The following ALK variants were observed in gnomAD, a reference collection of about 807,000 sequenced individuals.
The protein encoded by ALK is ALK tyrosine kinase receptor.
In ALK, 74 loss-of-function variants were observed where a neutral mutation model predicts 163.1. The ratio of observed to expected loss-of-function variants is 0.45; its 90% CI spans 0.38 to 0.55. ALK has a LOEUF of 0.55. Ranked by LOEUF, ALK falls within the 20% of genes least tolerant of loss-of-function variation. The probability of loss-of-function intolerance (pLI) is 0.00; values close to 1 mark genes in which losing one functional copy is unlikely to be tolerated. For missense variants in ALK, 2,063 were observed against 2,105.3 expected (o/e 0.98, Z 0.39); for synonymous variants, 960 against 843.2 (o/e 1.14, Z -2.40).
At chr2:29,204,613 G>A (rs781371921) in intron 26 of ALK, among the ~76,000 whole-genome samples, 31 of 151,878 alleles carry the variant, frequency 2.0e-4, no homozygotes, top group Non-Finnish European at 4.3e-4. Flanking sequence ...ATTTGAGATG[G>A]AGTTTCGCTC....
intron 4 of ALK, among the ~76,000 whole-genome samples, chr2:29,496,454 A>G (rs1672026767): frequency 6.6e-6 from 1 of 152,222 alleles, no homozygotes; most frequent in Admixed American, 6.5e-5. Flanking sequence ...AGGTATTTGC[A>G]TCATCACTGC....
intron 1 of ALK, among the ~76,000 whole-genome samples, chr2:29,868,409 AAAT>A (rs1666496168): frequency 6.6e-6 from 1 of 152,244 alleles, no homozygotes. Context: ...GACAGGCAGT[AAAT>A]AATATCATAA....
chr2:29,888,004 C>A (rs1667028483), intron 1 of ALK, among the ~76,000 whole-genome samples: 2 of 152,152 alleles, frequency 1.3e-5, no homozygotes, highest in African/African-American at 4.8e-5. Context: ...CTCTGGGTAC[C>A]TTTTCTCTAC....
At chr2:29,618,836 G>A (rs1675936087) in intron 3 of ALK, among the ~76,000 whole-genome samples, 1 of 152,062 alleles carries the variant, frequency 6.6e-6, no homozygotes, top group Non-Finnish European at 1.5e-5. Context: ...AAAATTAGCT[G>A]GGGGTGGTGG....
At chr2:29,245,914 G>A (rs775312786) in intron 12 of ALK, among the ~76,000 whole-genome samples, 13 of 152,240 alleles carry the variant, frequency 8.5e-5, no homozygotes, top group South Asian at 2.1e-4. Context: ...GAATGATGGC[G>A]TTGTCCGGCT....
At chr2:29,794,894 T>C (rs1028008837) in intron 1 of ALK, among the ~76,000 whole-genome samples, 1 of 152,128 alleles carries the variant, frequency 6.6e-6, no homozygotes, top group Non-Finnish European at 1.5e-5. Flanking sequence ...AGGAAACACA[T>C]GCTGTTGGAA....
At chr2:29,314,536 G>C (rs915319282) in intron 8 of ALK, among the ~76,000 whole-genome samples, 1 of 152,080 alleles carries the variant, frequency 6.6e-6, no homozygotes, top group Non-Finnish European at 1.5e-5. Context: ...GAGGGGAGAC[G>C]CAACTGCAGC....
chr2:29,842,568 T>C (rs1435741838), intron 1 of ALK, among the ~76,000 whole-genome samples: 1 of 152,114 alleles, frequency 6.6e-6, no homozygotes, highest in East Asian at 1.9e-4. Context: ...CCAGGTTAGT[T>C]ATGGTTAAGG....
chr2:29,217,505 T>C (rs1228214496), intron 23 of ALK, among the ~76,000 whole-genome samples: 1 of 151,650 alleles, frequency 6.6e-6, no homozygotes, highest in Non-Finnish European at 1.5e-5. Context: ...TCTGTACCCA[T>C]GCATTTCGTT....
chr2:29,773,197 A>G (rs1681072543), intron 1 of ALK, among the ~76,000 whole-genome samples: 1 of 151,986 alleles, frequency 6.6e-6, no homozygotes. Context: ...ATTGTACACT[A>G]CACATCTTTT....
intron 3 of ALK, among the ~76,000 whole-genome samples, chr2:29,661,670 G>T (rs1677352689): frequency 6.6e-6 from 1 of 152,302 alleles, no homozygotes; most frequent in African/African-American, 2.4e-5. Flanking sequence ...ACTTTCTGAA[G>T]ATTATACAGT....
At chr2:29,897,004 G>C (rs1400585218) in intron 1 of ALK, among the ~76,000 whole-genome samples, 2 of 152,164 alleles carry the variant, frequency 1.3e-5, no homozygotes, top group African/African-American at 4.8e-5. Flanking sequence ...GATGTAAATA[G>C]AGATCTACAA....
At chr2:29,590,083 A>G (rs1363642889) in intron 3 of ALK, among the ~76,000 whole-genome samples, 1 of 152,214 alleles carries the variant, frequency 6.6e-6, no homozygotes, top group Non-Finnish European at 1.5e-5. Flanking sequence ...TTGTCATCAA[A>G]TGAACTTCTC....
chr2:29,381,421 T>G (rs1057197878), intron 5 of ALK, among the ~76,000 whole-genome samples: 2 of 152,260 alleles, frequency 1.3e-5, no homozygotes, highest in Non-Finnish European at 2.9e-5. Context: ...GGCCTCTGTC[T>G]TGATGACACC....
At chr2:29,863,563 C>G (rs1028761561) in intron 1 of ALK, among the ~76,000 whole-genome samples, 4 of 151,920 alleles carry the variant, frequency 2.6e-5, no homozygotes, top group Non-Finnish European at 4.4e-5. Flanking sequence ...AAACTAAAAC[C>G]ACAATGAGAT....
intron 22 of ALK, chr2:29,221,070 G>A (rs1343813434): frequency 7.8e-6 from 5 of 643,428 alleles, no homozygotes; most frequent in Non-Finnish European, 1.5e-5. Context: ...AGAGTGGCTG[G>A]AGCTGTGAGG....
intron 4 of ALK, among the ~76,000 whole-genome samples, chr2:29,512,336 G>C (rs7557214): frequency 6.7e-6 from 1 of 148,234 alleles, no homozygotes; most frequent in Non-Finnish European, 1.5e-5. Flanking sequence ...TGCAAGGCTG[G>C]TTCAATATAC....
At chr2:29,310,749 C>T (rs968650495) in intron 8 of ALK, among the ~76,000 whole-genome samples, 7 of 152,168 alleles carry the variant, frequency 4.6e-5, no homozygotes, top group Admixed American at 2.0e-4. Flanking sequence ...GCTCGGGGTC[C>T]GTGTGTGCAT....
At chr2:29,693,406 T>TACACACAC (rs58588313) in intron 3 of ALK, among the ~76,000 whole-genome samples, 4,319 of 145,200 alleles carry the variant, frequency 0.03, 95 homozygotes, top group Non-Finnish European at 0.046. Context: ...AGCACTCACC[T>TACACACAC]ACACACACAC....
Sources: gnomAD v4.1 joint callset for allele counts (sites outside exome capture counted in the v4.1 genomes callset) on GRCh38, gnomAD v4.1.1 for gene constraint, MANE v1.5 for transcripts, NCBI Gene and HGNC (gene_info 2026-07-23, HGNC 2026-07-21) for gene names.